Variants in MVB12B observed in about 807,000 individuals in gnomAD.
The protein encoded by MVB12B is ESCRT-I complex subunit MVB12B.
Under a neutral mutation model 41.6 loss-of-function variants are expected in MVB12B, and 16 were observed. That is an observed-to-expected ratio of 0.38 (90% CI 0.26 to 0.58). The LOEUF (loss-of-function observed/expected upper bound fraction) is 0.58. MVB12B is among the 20% of genes least tolerant of loss of function. The probability of loss-of-function intolerance (pLI) is 0.62; values close to 1 mark genes in which losing one functional copy is unlikely to be tolerated. For missense variants in MVB12B, 274 were observed against 380.2 expected, an observed-to-expected ratio of 0.72 and a Z score of 2.32; for synonymous variants, 133 against 139.7, an observed-to-expected ratio of 0.95 and a Z score of 0.34.
chr9:126,451,428 G>T (rs1266251192), intron 7 of MVB12B, among the ~76,000 whole-genome samples: 3 of 152,140 alleles, frequency 2.0e-5, no homozygotes, highest in Non-Finnish European at 4.4e-5. Context: ...CAGGTCAGGG[G>T]TACTTAGTAG....
intron 9 of MVB12B, among the ~76,000 whole-genome samples, chr9:126,490,848 T>A (rs1187942019): frequency 6.6e-6 from 1 of 152,248 alleles, no homozygotes; most frequent in African/African-American, 2.4e-5. Context: ...TAGTCAGTCC[T>A]CAAGAGTGTA....
chr9:126,432,932 G>T (rs1832367501), intron 7 of MVB12B, among the ~76,000 whole-genome samples: 1 of 152,158 alleles, frequency 6.6e-6, no homozygotes, highest in South Asian at 2.1e-4. Context: ...TCTCACGTGG[G>T]CCCCTGGATG....
At position 126,333,560 on chromosome 9, in the gene MVB12B, C is replaced by T. The variant is rs989714616; in HGVS notation, c.81+6550C>T. On this transcript the variant is annotated intron_variant, in intron 1 of 9. Coordinates refer to ENST00000361171, the MANE Select transcript of MVB12B (RefSeq NM_033446.3). This position sits in a 1 kb window ranked among gnomAD's most constrained non-coding sequence, Gnocchi z 4.7. ...GCTGGGATTACAGGCACCACCACCA[C>T]ACCCAGCTAATTTTTGTATTTTTAG... 9.9e-5 allele frequency among the ~76,000 whole-genome samples: 15 copies of T among 151,826 alleles called. No homozygotes were observed. The highest frequency in any genetic ancestry group is 3.1e-4 in the African/African-American group (13 of 41,302).
intron 7 of MVB12B, among the ~76,000 whole-genome samples, chr9:126,464,537 G>A (rs1370268731): frequency 6.6e-6 from 1 of 152,204 alleles, no homozygotes; most frequent in Non-Finnish European, 1.5e-5. Flanking sequence ...CACGAGGTCT[G>A]CACTTGAAAG....
intron 7 of MVB12B, among the ~76,000 whole-genome samples, chr9:126,451,328 G>A (rs1005567996): frequency 6.6e-6 from 1 of 152,212 alleles, no homozygotes; most frequent in East Asian, 1.9e-4. Context: ...GCTCACCACT[G>A]TAGAGAATGG....
intron 1 of MVB12B, among the ~76,000 whole-genome samples, chr9:126,336,826 T>C (rs1463276054): frequency 6.6e-6 from 1 of 151,798 alleles, no homozygotes; most frequent in Non-Finnish European, 1.5e-5. Context: ...CAGACAACAC[T>C]GCCTGAACTG....
At chr9:126,476,501 T>C (rs1833422511) in intron 7 of MVB12B, among the ~76,000 whole-genome samples, 1 of 152,200 alleles carries the variant, frequency 6.6e-6, no homozygotes, top group African/African-American at 2.4e-5. Flanking sequence ...GTCCTAATCA[T>C]ATGTGGGTGT....
chr9:126,396,476 C>G, intron 6 of MVB12B: 2 of 985,470 alleles, frequency 2.0e-6, no homozygotes, highest in Non-Finnish European at 2.4e-6. Flanking sequence ...GAATGGATCT[C>G]CAAGCTTCCA....
chr9:126,503,490 T>C lies in MVB12B; in HGVS notation c.*227T>C. 1.7e-6 allele frequency: 1 copy of C among 575,130 alleles called. No homozygotes were observed. Among genetic ancestry groups the C allele is most frequent in the Non-Finnish European group, 3.1e-6 (1 of 322,826 alleles). 35.6% of individuals were successfully genotyped at this position (575,130 alleles called of 1,614,324 possible). ...TGTTCATAACCATGACTAATCTGTG[T>C]GTGCTGTAGTGACCAGCGGCTCCTA... On this transcript the variant is annotated 3_prime_UTR_variant, in exon 10 of 10. Transcript: ENST00000361171.
At chr9:126,469,966 A>G (rs1340454039) in intron 7 of MVB12B, among the ~76,000 whole-genome samples, 1 of 152,244 alleles carries the variant, frequency 6.6e-6, no homozygotes, top group African/African-American at 2.4e-5. Flanking sequence ...AAACTGTGGA[A>G]GAAAGACAAT....
Position 126,366,042 on chromosome 9 carries a change from C to G in MVB12B, c.205-15022C>G, listed in dbSNP as rs546052324. 2.6e-4 allele frequency among the ~76,000 whole-genome samples: 39 copies of G among 152,062 alleles called. 1 individual carries two copies. In the South Asian group the frequency reaches 7.9e-3, roughly 31 times the overall value. Reference sequence around the variant, plus strand: ...TCCTGCCTGGCTTTTGCTTGGAATTCCCTCCCTCATTGTGCTGTCAATCTC... The same window carrying G: ...TCCTGCCTGGCTTTTGCTTGGAATTGCCTCCCTCATTGTGCTGTCAATCTC... On this transcript the variant is annotated intron_variant, in intron 2 of 9. Transcript: ENST00000361171.
At chr9:126,385,462 T>A (rs576587387) in intron 3 of MVB12B, among the ~76,000 whole-genome samples, 1 of 152,144 alleles carries the variant, frequency 6.6e-6, no homozygotes, top group African/African-American at 2.4e-5. Flanking sequence ...TTGGCTCCCA[T>A]GTGCAGAGAT....
chr9:126,412,028 T>C (rs1831666019), intron 6 of MVB12B, among the ~76,000 whole-genome samples: 1 of 152,178 alleles, frequency 6.6e-6, no homozygotes, highest in African/African-American at 2.4e-5. Flanking sequence ...GCATATGGTC[T>C]TTAAGAAATA....
intron 2 of MVB12B, among the ~76,000 whole-genome samples, chr9:126,352,047 C>A (rs1375618700): frequency 6.6e-6 from 1 of 151,820 alleles, no homozygotes; most frequent in Non-Finnish European, 1.5e-5. Context: ...GAATAAATTT[C>A]ACTTGGTCAT....
In MVB12B at chr9:126,340,475, AT is replaced by A. The variant is rs1431300697; in HGVS notation, c.82-29del. The stretch of plus-strand genomic sequence containing the variant: ...TTATTCACATAAATGCTATGTTTGA[AT>A]TTTGTGTTTTCTTTTTCCTTTGCTG... On this transcript the variant is annotated intron_variant, in intron 1 of 9. Transcript: ENST00000361171. This position sits in a 1 kb window ranked among gnomAD's most constrained non-coding sequence, Gnocchi z 4.0. 3.1e-6 allele frequency: 5 copies of A among 1,610,806 alleles called. No individual in the cohort carries two copies. Among genetic ancestry groups the A allele is most frequent in the African/African-American group, 1.3e-5 (1 of 74,706 alleles).
intron 2 of MVB12B, among the ~76,000 whole-genome samples, chr9:126,350,063 T>A (rs1829706219): frequency 6.6e-6 from 1 of 152,236 alleles, no homozygotes; most frequent in Non-Finnish European, 1.5e-5. Context: ...TCATTTGGTT[T>A]CACACTGTAT....
chr9:126,332,268 G>A (rs1829151902), intron 1 of MVB12B, among the ~76,000 whole-genome samples: 1 of 152,020 alleles, frequency 6.6e-6, no homozygotes, highest in Non-Finnish European at 1.5e-5. Context: ...CTTTCTCTTG[G>A]GATATTTCCC....
At position 126,457,843 on chromosome 9, in the gene MVB12B, G is replaced by A. The variant is rs1414491837; in HGVS notation, c.758-23526G>A. On this transcript the variant is annotated intron_variant, in intron 7 of 9. Transcript: ENST00000361171. ...GAACCTTAGGCACAAATGAAATCAC[G>A]GCTTGGTGCTTGTCCAATAGCCTCG... Among the ~76,000 whole-genome samples, 3 of 152,154 alleles carry A rather than the reference G, an allele frequency of 2.0e-5. No homozygotes were observed. In the East Asian group the frequency reaches 5.8e-4, roughly 29 times the overall value.
chr9:126,342,615 G>A (rs921403790), intron 2 of MVB12B, among the ~76,000 whole-genome samples: 3 of 152,208 alleles, frequency 2.0e-5, no homozygotes, highest in East Asian at 1.9e-4. Context: ...CTGCACGGCC[G>A]AGGTGGAGAC....
Sources: gnomAD v4.1 joint callset for allele counts (sites outside exome capture counted in the v4.1 genomes callset) on GRCh38, gnomAD v4.1.1 for gene constraint, Gnocchi (gnomAD v3.1) non-coding constraint, MANE v1.5 for transcripts, NCBI Gene and HGNC (gene_info 2026-07-23, HGNC 2026-07-21) for gene names.